The following DNAH1 variants were observed in gnomAD, a reference collection of about 807,000 sequenced individuals.
DNAH1 encodes the protein axonemal beta dynein heavy chain 1.
Under a neutral mutation model 484.3 loss-of-function variants are expected in DNAH1, and 327 were observed. That is an observed-to-expected ratio of 0.68 (90% CI 0.62 to 0.74). DNAH1 has a LOEUF of 0.74. Among genes scored for constraint, DNAH1 ranks in the 30% least tolerant of loss-of-function variants. The probability of loss-of-function intolerance (pLI) is 0.00; values close to 1 mark genes in which losing one functional copy is unlikely to be tolerated. For missense variants in DNAH1, 5,052 were observed against 5,546.8 expected, an observed-to-expected ratio of 0.91 and a Z score of 2.83; for synonymous variants, 2,192 against 2,191.9, an observed-to-expected ratio of 1.00 and a Z score of 0.00.
chr3:52,333,352 C>A (rs976317670), intron 8 of DNAH1, among the ~76,000 whole-genome samples: 3 of 151,084 alleles, frequency 2.0e-5, no homozygotes, highest in African/African-American at 7.3e-5. Context: ...TACCATTTTT[C>A]TTTTTCTTTT....
rs61729394 is a variant in DNAH1, at chr3:52,332,388, G to T, written c.1280G>T (p.Gly427Val). Residue 427 changes from glycine (G) to valine (V), a missense_variant, in exon 8 of 78, where the codon GGC (glycine) becomes GTC (valine). Transcript: ENST00000420323. Reference protein sequence around the residue: ...WALSTPRMRKGPSVLEHLSSL... With the variant: ...WALSTPRMRKVPSVLEHLSSL... ...CTGAGCACGCCTCGGATGCGCAAAG[G>T]CCCCTCGTGAGTCCCCGCTCGGCCT... 33 of 1,612,612 alleles carry T rather than the reference G, an allele frequency of 2.0e-5. No individual in the cohort carries two copies. The African/African-American group carries it at 3.5e-4, about 17-fold the overall frequency.
chr3:52,363,085 G>T lies in DNAH1; in HGVS notation c.5185G>T (p.Val1729Leu). The change falls in exon 32 of 78, where the codon GTG becomes TTG. Residue 1729 changes from valine (V) to leucine (L), a missense_variant. By Grantham distance (32) the Val-to-Leu change is conservative. Around this residue, in one of 4 missense-constraint regions of DNAH1, gnomAD observed 2,929 missense variants for 3,409.4 expected, o/e 0.86. Coordinates refer to ENST00000420323, the MANE Select transcript of DNAH1 (RefSeq NM_015512.5). ...TTCCTTTGGCTTTAATGAGGCCAGTGTGCTGGCTAAGAAGATCACAACCAC... is the reference window on the plus strand; with the variant it reads ...TTCCTTTGGCTTTAATGAGGCCAGTTTGCTGGCTAAGAAGATCACAACCAC... ...LYSFGFNEAS[V>L]LAKKITTTFK... 1 of 1,613,984 alleles carries T rather than the reference G, an allele frequency of 6.2e-7. No homozygotes were observed. Among genetic ancestry groups the T allele is most frequent in the Non-Finnish European group, 8.5e-7 (1 of 1,179,856 alleles).
rs1702498011 is a variant in DNAH1 at position 52,353,783 on chromosome 3, TTAAG to T, written c.3480+152_3480+155del. 6.0e-6 allele frequency: 6 copies of T among 993,476 alleles called. No individual in the cohort carries two copies. The East Asian group carries it at 1.3e-4, about 22-fold the overall frequency. The allele number at this position is 993,476 out of a possible 1,614,324, so 61.5% of individuals were successfully genotyped here. ...GGCCCAGGGGTTGAGATGCATTCTA[TTAAG>T]TGAGTTAATAATGCACATAAAATTC... On this transcript the variant is annotated intron_variant, in intron 20 of 77. Transcript: ENST00000420323. The surrounding 1 kb of genome is among the most constrained non-coding windows in gnomAD (Gnocchi z 5.0).
At position 52,383,580 on chromosome 3, in the gene DNAH1, G is replaced by A; in HGVS notation, c.8136G>A (p.Met2712Ile). 1 of 1,590,700 alleles carries A rather than the reference G, an allele frequency of 6.3e-7. No homozygotes were observed. Among genetic ancestry groups the A allele is most frequent in the African/African-American group, 1.3e-5 (1 of 74,488 alleles). ...GGCGTGTGCGCAGCAACATCCACATGGTGCTGTGCATGAGGTACAGGCAGC... is the reference window on the plus strand; with the variant it reads ...GGCGTGTGCGCAGCAACATCCACATAGTGCTGTGCATGAGGTACAGGCAGC... Reference protein sequence around the residue: ...YTGRVRSNIHMVLCMSPIGEV... With the variant: ...YTGRVRSNIHIVLCMSPIGEV... Residue 2712 changes from methionine (M) to isoleucine (I), a missense_variant, in exon 51 of 78, where the codon ATG (methionine) becomes ATA (isoleucine). Physicochemically the swap from Met to Ile is conservative, Grantham distance 10. Coordinates refer to ENST00000420323, the MANE Select transcript of DNAH1 (RefSeq NM_015512.5).
intron 2 of DNAH1, among the ~76,000 whole-genome samples, chr3:52,323,247 G>A (rs1243179819): frequency 6.6e-6 from 1 of 152,084 alleles, no homozygotes; most frequent in East Asian, 1.9e-4. Context: ...AAAGACCTGG[G>A]GTCCCTGAGA....
rs754776083 is a variant in DNAH1 at position 52,356,797 on chromosome 3, G to A, written c.3858+19G>A. On this transcript the variant is annotated intron_variant, in intron 22 of 77. Transcript: ENST00000420323. ...CCGGGAGGCAAGCTCAATGAGGGTG[G>A]GAGGGGCAGCTGGGATCCCCAAGGG... 2.5e-6 allele frequency: 4 copies of A among 1,583,116 alleles called. No homozygotes were observed. Among genetic ancestry groups the A allele is most frequent in the Non-Finnish European group, 3.4e-6 (4 of 1,164,216 alleles).
At chr3:52,324,976 A>G (rs1701283386) in intron 3 of DNAH1, among the ~76,000 whole-genome samples, 2 of 152,216 alleles carry the variant, frequency 1.3e-5, no homozygotes, top group South Asian at 2.1e-4. Flanking sequence ...TCTGGAGGCC[A>G]GGCATGGGTC....
rs201156071 is a variant in DNAH1, at chr3:52,399,075, A to G, written c.12315A>G (p.Gln4105=). 6.0e-4 allele frequency: 976 copies of G among 1,614,090 alleles called. 2 individuals are homozygous for G. Among genetic ancestry groups the G allele is most frequent in the Middle Eastern group, 3.5e-3 (21 of 6,062 alleles). The change falls in exon 76 of 78, where the codon CAA becomes CAG. Residue 4105 remains glutamine (Q), a synonymous_variant. Transcript: ENST00000420323. ...TGGACTTTCTGCAGGCCTGGATCCAAGATGGCATCCCAGCTGTCTTCTGGA... is the reference window on the plus strand; with the variant it reads ...TGGACTTTCTGCAGGCCTGGATCCAGGATGGCATCCCAGCTGTCTTCTGGA... The part of the protein sequence containing the change: ...QRLDFLQAWI[Q]DGIPAVFWIS...
chr3:52,398,694 G>T (rs997073858), intron 75 of DNAH1, among the ~76,000 whole-genome samples, 156 bp from the exon 76 acceptor site: 1 of 151,924 alleles, frequency 6.6e-6, no homozygotes, highest in Non-Finnish European at 1.5e-5. Context: ...CTAAGGGCCA[G>T]AGCTGGGATT....
At chr3:52,389,361 G>C in intron 59 of DNAH1, 100 bp from the exon 60 acceptor site, 1 of 1,529,836 alleles carries the variant, frequency 6.5e-7, no homozygotes, top group Non-Finnish European at 8.9e-7. Context: ...CCATGTCTGA[G>C]CTCAGATCTC....
At chr3:52,312,541 G>A (rs955549329), upstream of DNAH1, among the ~76,000 whole-genome samples, 6 of 151,526 alleles carry the variant, frequency 4.0e-5, no homozygotes, top group Admixed American at 3.9e-4. Flanking sequence ...CACGATCTCG[G>A]CTCACTGGAA....
At chr3:52,380,246 G>C in intron 48 of DNAH1, 111 bp downstream of exon 48, 1 of 975,538 alleles carries the variant, frequency 1.0e-6, no homozygotes, top group Non-Finnish European at 1.5e-6. Context: ...CTATAACCAG[G>C]GGGCCAGGAC....
At chr3:52,380,585 A>G (rs1703801200) in intron 48 of DNAH1, among the ~76,000 whole-genome samples, 1 of 152,194 alleles carries the variant, frequency 6.6e-6, no homozygotes, top group South Asian at 2.1e-4. Context: ...CACCCTGGTA[A>G]GCCCCAGAAG....
Position 52,355,123 on chromosome 3 carries a change from C to T in DNAH1, c.3693+68C>T. On this transcript the variant is annotated intron_variant, in intron 21 of 77. Coordinates refer to ENST00000420323, the MANE Select transcript of DNAH1 (RefSeq NM_015512.5). This position sits in a 1 kb window ranked among gnomAD's most constrained non-coding sequence, Gnocchi z 4.5. Reference sequence around the variant, plus strand: ...CAGAGAGCCCGACCCACAGGTGTCACTGATGGTCTCCGGGTGGGGTTCAAA... The same window carrying T: ...CAGAGAGCCCGACCCACAGGTGTCATTGATGGTCTCCGGGTGGGGTTCAAA... 2 of 1,492,624 alleles carry T rather than the reference C, an allele frequency of 1.3e-6. No homozygotes were observed. Among genetic ancestry groups the T allele is most frequent in the East Asian group, 2.3e-5 (1 of 44,212 alleles). The allele number at this position is 1,492,624 out of a possible 1,614,324, so 92.5% of individuals were successfully genotyped here.
chr3:52,345,799 A>C, intron 10 of DNAH1, 93 bp downstream of exon 10: 2 of 1,291,908 alleles, frequency 1.5e-6, no homozygotes, highest in South Asian at 2.7e-5. Context: ...GGCCAGGGTC[A>C]GTGGGCCACA....
At position 52,364,612 on chromosome 3, in the gene DNAH1, C is replaced by G; in HGVS notation, c.5245-26C>G. 1 of 1,613,096 alleles carries G rather than the reference C, an allele frequency of 6.2e-7. No homozygotes were observed. The highest frequency in any genetic ancestry group is 8.5e-7 in the Non-Finnish European group (1 of 1,179,190). On this transcript the variant is annotated intron_variant, in intron 32 of 77. Transcript: ENST00000420323. This position sits in a 1 kb window ranked among gnomAD's most constrained non-coding sequence, Gnocchi z 4.2. ...AGCCTTGGAGAGGGACAGTGCTCAC[C>G]CATGCCTCCTTCTGTATGGCGACAG...
intron 45 of DNAH1, 45 bp downstream of exon 45, chr3:52,375,458 G>A (rs1471815197): frequency 6.3e-7 from 1 of 1,582,692 alleles, no homozygotes; most frequent in Non-Finnish European, 8.6e-7. Context: ...AGAAGCCCAG[G>A]CCAGGGAGGC....
At chr3:52,326,993 A>C in intron 5 of DNAH1, 102 bp downstream of exon 5, 1 of 1,401,648 alleles carries the variant, frequency 7.1e-7, no homozygotes, top group Non-Finnish European at 9.6e-7. Flanking sequence ...CCCACCAGTC[A>C]CCAGCACACT....
intron 42 of DNAH1, 42 bp from the exon 43 acceptor site, chr3:52,372,185 C>G: frequency 1.2e-6 from 2 of 1,611,756 alleles, no homozygotes; most frequent in East Asian, 4.5e-5. Context: ...CTCCTGTGCA[C>G]CAGGCCCACC....
Sources: gnomAD v4.1 joint callset for allele counts (sites outside exome capture counted in the v4.1 genomes callset) on GRCh38, gnomAD v4.1.1 for gene constraint, gnomAD v4.1.1 regional missense constraint, Gnocchi (gnomAD v3.1) non-coding constraint, MANE v1.5 for transcripts, NCBI Gene and HGNC (gene_info 2026-07-23, HGNC 2026-07-21) for gene names.